MEIKIN: variants seen among roughly 807,000 people sequenced by gnomAD.
MEIKIN encodes meiosis-specific kinetochore protein.
intron 11 of MEIKIN, among the ~76,000 whole-genome samples, chr5:131,839,889 T>C (rs891696335): frequency 6.6e-6 from 1 of 152,214 alleles, no homozygotes; most frequent in African/African-American, 2.4e-5. Flanking sequence ...GATCCTGTCA[T>C]CATGATGTTA....
intron 8 of MEIKIN, among the ~76,000 whole-genome samples, chr5:131,881,729 T>C (rs1750705650): frequency 1.3e-5 from 2 of 152,198 alleles, no homozygotes. Flanking sequence ...TCCATGTATC[T>C]ACCACCCAGA....
At chr5:131,864,725 A>C (rs758933540) in intron 9 of MEIKIN, among the ~76,000 whole-genome samples, 3 of 152,180 alleles carry the variant, frequency 2.0e-5, no homozygotes, top group African/African-American at 4.8e-5. Context: ...CTGTCTGGGA[A>C]ATCACTGAGC....
intron 9 of MEIKIN, among the ~76,000 whole-genome samples, chr5:131,864,972 G>A (rs1268924385): frequency 6.6e-6 from 1 of 152,240 alleles, no homozygotes; most frequent in Admixed American, 6.5e-5. Context: ...CAAGTTCTGA[G>A]ATTCTTTCCT....
chr5:131,927,885 C>T (rs963638133), intron 5 of MEIKIN, among the ~76,000 whole-genome samples: 8 of 152,136 alleles, frequency 5.3e-5, no homozygotes, highest in Admixed American at 4.6e-4. Flanking sequence ...GTGGCTCACG[C>T]CTGTAATCCC....
chr5:131,837,841 C>T (rs1580866389), intron 11 of MEIKIN, among the ~76,000 whole-genome samples: 1 of 152,048 alleles, frequency 6.6e-6, no homozygotes. Context: ...TATTTCTATG[C>T]CCTTTATTTC....
intron 8 of MEIKIN, among the ~76,000 whole-genome samples, chr5:131,899,070 A>C (rs970489524): frequency 6.6e-6 from 1 of 152,130 alleles, no homozygotes; most frequent in East Asian, 1.9e-4. Flanking sequence ...ACTGACCTCT[A>C]CTCTTATCTC....
At chr5:131,818,424 A>AT (rs944634624) in intron 12 of MEIKIN, among the ~76,000 whole-genome samples, 2 of 151,878 alleles carry the variant, frequency 1.3e-5, no homozygotes, top group African/African-American at 2.4e-5. Context: ...ACCAGACTTT[A>AT]TTTTTTTTAA....
intron 9 of MEIKIN, among the ~76,000 whole-genome samples, chr5:131,869,554 G>A (rs1417223503): frequency 6.6e-6 from 1 of 152,180 alleles, no homozygotes; most frequent in East Asian, 1.9e-4. Context: ...TTCTCCTGAG[G>A]CCAGGCCTTG....
At chr5:131,874,968 A>G (rs1750584915) in intron 9 of MEIKIN, among the ~76,000 whole-genome samples, 1 of 152,338 alleles carries the variant, frequency 6.6e-6, no homozygotes, top group East Asian at 1.9e-4. Context: ...AACTCTCAAT[A>G]AATTAGGTAT....
intron 12 of MEIKIN, among the ~76,000 whole-genome samples, chr5:131,817,468 T>C (rs1325660172): frequency 6.6e-6 from 1 of 151,614 alleles, no homozygotes; most frequent in East Asian, 1.9e-4. Context: ...AAAAAAAAAT[T>C]AGCCGGGCGT....
chr5:131,928,143 CAAAAAA>C (rs60395354), intron 5 of MEIKIN, among the ~76,000 whole-genome samples: 3 of 88,738 alleles, frequency 3.4e-5, no homozygotes, highest in East Asian at 5.8e-4. Flanking sequence ...AACTCCGTCT[CAAAAAA>C]AAAAAAAAAA....
At chr5:131,832,244 A>C (rs537341913) in intron 11 of MEIKIN, among the ~76,000 whole-genome samples, 4 of 152,332 alleles carry the variant, frequency 2.6e-5, no homozygotes, top group African/African-American at 9.6e-5. Context: ...GAAATTGGCC[A>C]AAACAAATGG....
chr5:131,929,821 C>T (rs949838188), intron 5 of MEIKIN, among the ~76,000 whole-genome samples: 97 of 152,224 alleles, frequency 6.4e-4, no homozygotes, highest in African/African-American at 2.1e-3. Flanking sequence ...CTTAGGATAA[C>T]GGTCTCTAGC....
At chr5:131,942,415 C>G (rs1751882786) in intron 4 of MEIKIN, among the ~76,000 whole-genome samples, 1 of 152,216 alleles carries the variant, frequency 6.6e-6, no homozygotes, top group Admixed American at 6.5e-5. Flanking sequence ...ACACTCAAGT[C>G]AATCTCTTTT....
chr5:131,905,700 A>G (rs1751232420), intron 8 of MEIKIN, among the ~76,000 whole-genome samples: 1 of 152,130 alleles, frequency 6.6e-6, no homozygotes, highest in South Asian at 2.1e-4. Context: ...ATAAACACAC[A>G]GACCAATAGA....
At chr5:131,944,798 T>C (rs759713052) in intron 2 of MEIKIN, 46 bp from the exon 3 acceptor site, 11 of 398,892 alleles carry the variant, frequency 2.8e-5, no homozygotes, top group Non-Finnish European at 4.9e-5. Context: ...TGGATTTGGC[T>C]CTCCACGTCT....
intron 11 of MEIKIN, among the ~76,000 whole-genome samples, chr5:131,822,291 G>A (rs927392399): frequency 6.6e-6 from 1 of 151,830 alleles, no homozygotes; most frequent in Admixed American, 6.6e-5. Context: ...TACATTCAAT[G>A]TTGTTATTGA....
intron 11 of MEIKIN, among the ~76,000 whole-genome samples, chr5:131,836,658 G>T (rs1749813835): frequency 6.6e-6 from 1 of 151,204 alleles, no homozygotes; most frequent in Non-Finnish European, 1.5e-5. Context: ...GTGATGTTGA[G>T]CTTTTTTTTT....
At chr5:131,880,183 G>A (rs147880242) in intron 8 of MEIKIN, among the ~76,000 whole-genome samples, 1,550 of 152,126 alleles carry the variant, frequency 0.01, 61 homozygotes, top group Admixed American at 0.073. Flanking sequence ...CCTACCTCCC[G>A]GGTTCAAGCG....
Sources: allele counts gnomAD v4.1 joint callset (sites outside exome capture counted in the v4.1 genomes callset), GRCh38; gene constraint gnomAD v4.1.1; transcripts MANE v1.5; gene names NCBI Gene and HGNC (gene_info 2026-07-23, HGNC 2026-07-21).